The following MCM9 variants were observed in gnomAD, a reference collection of about 807,000 sequenced individuals.
MCM9 encodes minichromosome maintenance 9 homologous recombination repair factor.
MCM9 carries 55 observed loss-of-function variants against 72.8 expected under a neutral mutation model. The observed-to-expected ratio is 0.76, with a 90% confidence interval of 0.61 to 0.95. The LOEUF (loss-of-function observed/expected upper bound fraction) is 0.95. Ranked by LOEUF, MCM9 falls within the 40% of genes least tolerant of loss-of-function variation. The pLI is 0.00. For synonymous variants in MCM9, 480 were observed against 503.4 expected (o/e 0.95, Z 0.62); for missense variants, 1,279 against 1,377.0 (o/e 0.93, Z 1.13).
intron 9 of MCM9, among the ~76,000 whole-genome samples, chr6:118,838,445 C>T (rs1031877959): frequency 4.2e-4 from 64 of 152,066 alleles, no homozygotes; most frequent in African/African-American, 1.4e-3. Flanking sequence ...AGGCACCTGC[C>T]ACCACGCCCG....
intron 13 of MCM9, among the ~76,000 whole-genome samples, chr6:118,823,704 C>A (rs1562399259): frequency 6.6e-6 from 1 of 152,132 alleles, no homozygotes; most frequent in Non-Finnish European, 1.5e-5. Flanking sequence ...TATGATCCCT[C>A]TTCTACGTGC....
intron 9 of MCM9, among the ~76,000 whole-genome samples, chr6:118,840,053 G>C (rs2114609312): frequency 6.6e-6 from 1 of 152,298 alleles, no homozygotes; most frequent in East Asian, 1.9e-4. Flanking sequence ...TCTGTCCCAG[G>C]AAGATGGGAA....
chr6:118,885,482 T>C (rs974405708), intron 8 of MCM9, among the ~76,000 whole-genome samples: 11 of 152,090 alleles, frequency 7.2e-5, no homozygotes, highest in South Asian at 2.1e-4. Context: ...GAATCAAAGA[T>C]GGGCATTATT....
intron 9 of MCM9, among the ~76,000 whole-genome samples, chr6:118,849,324 A>G (rs1400612812): frequency 1.3e-5 from 2 of 151,854 alleles, no homozygotes; most frequent in Non-Finnish European, 2.9e-5. Context: ...ACAAAAACCC[A>G]GTAATAAGAG....
chr6:118,827,438 G>C (rs1426340129), intron 11 of MCM9, among the ~76,000 whole-genome samples: 3 of 151,998 alleles, frequency 2.0e-5, no homozygotes, highest in African/African-American at 7.3e-5. Flanking sequence ...GCCAATGTTA[G>C]AAGAAAAGAA....
At chr6:118,856,288 T>G in intron 9 of MCM9, 83 bp downstream of exon 9, 1 of 1,368,068 alleles carries the variant, frequency 7.3e-7, no homozygotes, top group East Asian at 2.5e-5. Flanking sequence ...AAACATACCT[T>G]ATAGCTCAAC....
At chr6:118,839,843 T>C (rs1003494966) in intron 9 of MCM9, among the ~76,000 whole-genome samples, 32 of 152,248 alleles carry the variant, frequency 2.1e-4, no homozygotes, top group Admixed American at 1.8e-3. Flanking sequence ...AGCTGTCCTG[T>C]ATGAGGTGTC....
At chr6:118,907,684 A>G (rs1027812017) in intron 8 of MCM9, 34 of 1,233,460 alleles carry the variant, frequency 2.8e-5, no homozygotes, top group Non-Finnish European at 3.9e-5. Context: ...GAAATTCCGT[A>G]AGTACATAGT....
At chr6:118,932,500 C>G in intron 2 of MCM9, 107 bp downstream of exon 2, 2 of 639,296 alleles carry the variant, frequency 3.1e-6, no homozygotes, top group Non-Finnish European at 3.9e-6. Context: ...AGTCCTGGTT[C>G]TAGCTTTTGT....
rs1275597740 is a variant in MCM9 at position 118,815,855 on chromosome 6, G to A, written c.2401C>T (p.Pro801Ser). 1 of 1,540,400 alleles carries A rather than the reference G, an allele frequency of 6.5e-7. No homozygotes were observed. The highest frequency in any genetic ancestry group is 1.4e-5 in the African/African-American group (1 of 72,996). Reference sequence around the variant, plus strand: ...GGAACACCTGTCTCTCCTGGTGATGGAAGCAACCCAATGTCCACTTTGCTC... The same window carrying A: ...GGAACACCTGTCTCTCCTGGTGATGAAAGCAACCCAATGTCCACTTTGCTC... ...QRSKVDIGLL[P>S]SPGETGVPWR... The change falls in exon 14 of 14, where the codon CCA becomes TCA. Residue 801 changes from proline to serine, a missense_variant. By Grantham distance (74) the Pro-to-Ser change is moderately conservative. Transcript: ENST00000619706.
chr6:118,874,622 G>A (rs141536065), intron 8 of MCM9, among the ~76,000 whole-genome samples: 10,776 of 152,218 alleles, frequency 0.071, 609 homozygotes, highest in East Asian at 0.25. Flanking sequence ...AAAGTATACC[G>A]ACTGGGAAGG....
chr6:118,930,900 C>T (rs1295258010), intron 3 of MCM9, among the ~76,000 whole-genome samples: 6 of 152,220 alleles, frequency 3.9e-5, no homozygotes, highest in African/African-American at 1.4e-4. Context: ...ACAGCTTTGC[C>T]ACCCCAAGCT....
Position 118,816,102 on chromosome 6 carries a change from C to G in MCM9, c.2154G>C (p.Pro718=). 2 of 1,550,158 alleles carry G rather than the reference C, an allele frequency of 1.3e-6. No individual in the cohort carries two copies. Among genetic ancestry groups the G allele is most frequent in the Non-Finnish European group, 1.7e-6 (2 of 1,146,756 alleles). ...TTGTTGATCTATTAGGCTCCAGATG[C>G]GGTGGGGGATCTAGAACTGGGCTTC... ...PEGSPVLDPP[P]HLEPNRSTSR... is the part of the protein sequence containing the mutation. The change falls in exon 14 of 14, where the codon CCG becomes CCC. Residue 718 remains proline, a synonymous_variant. Coordinates refer to ENST00000619706, the MANE Select transcript of MCM9 (RefSeq NM_017696.3).
chr6:118,895,110 G>C (rs958447587), intron 8 of MCM9, among the ~76,000 whole-genome samples: 1 of 152,110 alleles, frequency 6.6e-6, no homozygotes, highest in Non-Finnish European at 1.5e-5. Context: ...TGGCCGCTTC[G>C]GGGAGGAGAG....
chr6:118,838,731 T>C (rs1377450251), intron 9 of MCM9, among the ~76,000 whole-genome samples: 14 of 152,220 alleles, frequency 9.2e-5, no homozygotes, highest in Admixed American at 9.2e-4. Context: ...GAAAATTCTT[T>C]TCTTTAAGAA....
At chr6:118,875,172 G>T (rs1427866762) in intron 8 of MCM9, among the ~76,000 whole-genome samples, 1 of 152,118 alleles carries the variant, frequency 6.6e-6, no homozygotes, top group Non-Finnish European at 1.5e-5. Flanking sequence ...AATGAAATGG[G>T]TATAAATGAA....
At chr6:118,829,927 AT>A (rs1204528718) in intron 9 of MCM9, among the ~76,000 whole-genome samples, 2 of 152,118 alleles carry the variant, frequency 1.3e-5, no homozygotes, top group African/African-American at 4.8e-5. Context: ...TTGATTTGGC[AT>A]TGAGTTTTTG....
intron 1 of MCM9, among the ~76,000 whole-genome samples, chr6:118,933,733 C>T (rs1466599603): frequency 1.3e-5 from 2 of 152,010 alleles, no homozygotes; most frequent in Non-Finnish European, 2.9e-5. Context: ...CCTACTATTC[C>T]GCAAGGTGTG....
chr6:118,895,624 T>TA lies in MCM9; in HGVS notation c.1150+16025dup, dbSNP rs200484475. On this transcript the variant is annotated intron_variant, in intron 8 of 13. Transcript: ENST00000619706. ...TACATATATTTTAAGGTCTTAAAAA[T>TA]ACGTATTTTTAATATCTTTAGTAAT... is the stretch of plus-strand genomic sequence containing the variant. Among the ~76,000 whole-genome samples the TA allele has an allele frequency of 3.3e-5, 5 of 152,160 alleles. No homozygotes were observed. In the East Asian group the frequency reaches 9.6e-4, roughly 29 times the overall value.
Sources: allele counts gnomAD v4.1 joint callset (sites outside exome capture counted in the v4.1 genomes callset), GRCh38; gene constraint gnomAD v4.1.1; transcripts MANE v1.5; gene names NCBI Gene and HGNC (gene_info 2026-07-23, HGNC 2026-07-21).